PARD3B: variants seen among roughly 807,000 people sequenced by gnomAD.
PARD3B encodes the protein partitioning defective 3 homolog B.
Under a neutral mutation model 130.2 loss-of-function variants are expected in PARD3B, and 103 were observed. The ratio of observed to expected loss-of-function variants is 0.79; its 90% CI spans 0.67 to 0.93. The LOEUF (loss-of-function observed/expected upper bound fraction) is 0.93. Among genes scored for constraint, PARD3B ranks in the 40% least tolerant of loss-of-function variants. The pLI, the probability that PARD3B is intolerant of heterozygous loss-of-function variation, is 0.00. For synonymous variants in PARD3B, 583 were observed against 553.2 expected (o/e 1.05, Z -0.76); for missense variants, 1,609 against 1,499.2 (o/e 1.07, Z -1.21).
chr2:205,344,553 C>A (rs1348707602), intron 18 of PARD3B, among the ~76,000 whole-genome samples: 1 of 152,064 alleles, frequency 6.6e-6, no homozygotes, highest in East Asian at 1.9e-4. Context: ...CCAGGTAGTC[C>A]TTGATTTTGT....
At chr2:204,712,613 CA>C (rs1253142601) in intron 2 of PARD3B, among the ~76,000 whole-genome samples, 7 of 47,592 alleles carry the variant, frequency 1.5e-4, no homozygotes, top group African/African-American at 2.7e-4. Flanking sequence ...GACCCCATCT[CA>C]AAAAAAAAAA....
intron 15 of PARD3B, among the ~76,000 whole-genome samples, chr2:205,202,221 A>G (rs1430924851): frequency 6.6e-6 from 1 of 152,234 alleles, no homozygotes; most frequent in East Asian, 1.9e-4. Context: ...ATAGATCACT[A>G]TAATATAACT....
intron 1 of PARD3B, among the ~76,000 whole-genome samples, chr2:204,633,689 G>A (rs1360538842): frequency 1.3e-5 from 2 of 152,122 alleles, no homozygotes; most frequent in African/African-American, 4.8e-5. Context: ...GTGCACACCT[G>A]TAGCCCCAGC....
At chr2:204,895,849 T>C (rs572036448) in intron 2 of PARD3B, among the ~76,000 whole-genome samples, 1 of 152,276 alleles carries the variant, frequency 6.6e-6, no homozygotes, top group South Asian at 2.1e-4. Flanking sequence ...TTAAAAGAAA[T>C]AGTTTTTAGA....
intron 1 of PARD3B, among the ~76,000 whole-genome samples, chr2:204,622,735 C>A (rs2034350075): frequency 6.6e-6 from 1 of 152,028 alleles, no homozygotes; most frequent in Non-Finnish European, 1.5e-5. Context: ...AATGACAAGG[C>A]CAGCTATAAA....
chr2:205,011,034 G>A lies in PARD3B; in HGVS notation c.395-36547G>A, dbSNP rs1695668352. Among the ~76,000 whole-genome samples the A allele has an allele frequency of 6.6e-6, 1 of 152,114 alleles. No homozygotes were observed. Among genetic ancestry groups the A allele is most frequent in the Non-Finnish European group, 1.5e-5 (1 of 68,030 alleles). On this transcript the variant is annotated intron_variant, in intron 3 of 22. Coordinates refer to ENST00000406610, the MANE Select transcript of PARD3B (RefSeq NM_001302769.2). This position sits in a 1 kb window ranked among gnomAD's most constrained non-coding sequence, Gnocchi z 4.1. ...TTAAAAAGCTGATTGCGGCTCTCTG[G>A]TGTATGGGGTTTAGTGGTGGAAGGT...
rs570798233 is a variant in PARD3B, at chr2:204,907,986, G to A, written c.223-57166G>A. Among the ~76,000 whole-genome samples the A allele has an allele frequency of 6.6e-6, 1 of 152,238 alleles. No homozygotes were observed. The highest frequency in any genetic ancestry group is 6.5e-5 in the Admixed American group (1 of 15,294). ...CAAAGTGCTGGAATTGCGGGCATGA[G>A]CCACCGCACCCAGCCTAAAGAGTGT... On this transcript the variant is annotated intron_variant, in intron 2 of 22. Transcript: ENST00000406610. This position sits in a 1 kb window ranked among gnomAD's most constrained non-coding sequence, Gnocchi z 5.7.
chr2:205,389,448 C>T (rs1220774206), intron 18 of PARD3B, among the ~76,000 whole-genome samples: 1 of 152,118 alleles, frequency 6.6e-6, no homozygotes, highest in Non-Finnish European at 1.5e-5. Context: ...CTGCAACCTC[C>T]GCCTCCCAGG....
At chr2:205,141,032 C>A (rs897402435) in intron 10 of PARD3B, among the ~76,000 whole-genome samples, 1 of 152,070 alleles carries the variant, frequency 6.6e-6, no homozygotes, top group Non-Finnish European at 1.5e-5. Flanking sequence ...ACCGGGATAA[C>A]GGATGGTGTC....
In PARD3B at chr2:204,965,158, G is replaced by C. The variant is rs1691120022; in HGVS notation, c.229G>C (p.Ala77Pro). ...TTGTTGGATTTGTTTGTAGCTGATT[G>C]CTGTGTTTGAAGAACAAGAACCACT... is the stretch of plus-strand genomic sequence containing the variant. ...DVVEDKDKLI[A>P]VFEEQEPLHK... Residue 77 changes from alanine (A) to proline (P), a missense_variant, in exon 3 of 23, where the codon GCT (alanine) becomes CCT (proline). Physicochemically the swap from Ala to Pro is conservative, Grantham distance 27. Coordinates refer to ENST00000406610, the MANE Select transcript of PARD3B (RefSeq NM_001302769.2). 6.2e-7 allele frequency: 1 copy of C among 1,613,076 alleles called. No homozygotes were observed. Among genetic ancestry groups the C allele is most frequent in the African/African-American group, 1.3e-5 (1 of 74,850 alleles).
chr2:204,670,554 A>G (rs181051937), intron 1 of PARD3B, among the ~76,000 whole-genome samples: 1 of 152,046 alleles, frequency 6.6e-6, no homozygotes, highest in Non-Finnish European at 1.5e-5. Flanking sequence ...CTAAATATGA[A>G]TTTACTGCTA....
At chr2:205,257,452 TACTGGCATCAA>T (rs2040138149) in intron 16 of PARD3B, among the ~76,000 whole-genome samples, 1 of 151,944 alleles carries the variant, frequency 6.6e-6, no homozygotes, top group Non-Finnish European at 1.5e-5. Flanking sequence ...TATTTAGAAA[TACTGGCATCAA>T]ACTGGTGACA....
intron 15 of PARD3B, among the ~76,000 whole-genome samples, chr2:205,212,088 G>T (rs1014948205): frequency 6.6e-6 from 1 of 152,012 alleles, no homozygotes; most frequent in African/African-American, 2.4e-5. Context: ...ACCCAGAAAG[G>T]CCAGAGGGAA....
At chr2:205,448,875 A>G (rs1261387654) in intron 20 of PARD3B, among the ~76,000 whole-genome samples, 1 of 152,148 alleles carries the variant, frequency 6.6e-6, no homozygotes, top group African/African-American at 2.4e-5. Context: ...CTAACAAGAA[A>G]AGGAATTACG....
chr2:204,777,940 A>G (rs2041695047), intron 2 of PARD3B, among the ~76,000 whole-genome samples: 1 of 151,920 alleles, frequency 6.6e-6, no homozygotes, highest in Non-Finnish European at 1.5e-5. Flanking sequence ...ATGGTTTTAT[A>G]AGTGTTTGAC....
At chr2:205,456,936 A>C (rs373227965) in intron 20 of PARD3B, among the ~76,000 whole-genome samples, 1 of 150,518 alleles carries the variant, frequency 6.6e-6, no homozygotes, top group Non-Finnish European at 1.5e-5. Context: ...AAATTTAATA[A>C]ATTTAATAAA....
intron 2 of PARD3B, among the ~76,000 whole-genome samples, chr2:204,855,033 G>T (rs1466817364): frequency 6.6e-6 from 1 of 152,092 alleles, no homozygotes; most frequent in Non-Finnish European, 1.5e-5. Context: ...TCACAGATTG[G>T]TTGGATTAGG....
intron 21 of PARD3B, among the ~76,000 whole-genome samples, chr2:205,538,472 T>TACAC (rs71410824): frequency 0.41 from 62,138 of 150,764 alleles, 14,130 homozygotes; most frequent in Middle Eastern, 0.66. Flanking sequence ...CACGTGTGTG[T>TACAC]ACACACACAC....
intron 2 of PARD3B, among the ~76,000 whole-genome samples, chr2:204,762,340 C>T (rs1016863587): frequency 2.3e-4 from 35 of 151,922 alleles, no homozygotes; most frequent in Non-Finnish European, 4.3e-4. Flanking sequence ...TCTCGATCTC[C>T]TGTCCTTGTG....
Sources: gnomAD v4.1 joint callset for allele counts (sites outside exome capture counted in the v4.1 genomes callset) on GRCh38, gnomAD v4.1.1 for gene constraint, Gnocchi (gnomAD v3.1) non-coding constraint, MANE v1.5 for transcripts, NCBI Gene and HGNC (gene_info 2026-07-23, HGNC 2026-07-21) for gene names.